The following QNG1 variants were observed in gnomAD, a reference collection of about 807,000 sequenced individuals.
QNG1 encodes queuosine 5'-phosphate N-glycosylase/hydrolase.
At chr9:83,950,642 G>A in the QNG1 span, among the ~76,000 whole-genome samples, 1 of 133,558 alleles carries the variant, frequency 7.5e-6, no homozygotes, top group South Asian at 2.3e-4. Flanking sequence ...TGCCTAGGCT[G>A]TAGCTCAATT....
At chr9:83,953,198 G>A in the QNG1 span, among the ~76,000 whole-genome samples, 2 of 152,142 alleles carry the variant, frequency 1.3e-5, no homozygotes, top group Admixed American at 1.3e-4. Flanking sequence ...AACCCAGGAG[G>A]TGGAGGTTGT....
At chr9:83,954,734 G>A in the QNG1 span, among the ~76,000 whole-genome samples, 2 of 149,080 alleles carry the variant, frequency 1.3e-5, no homozygotes, top group African/African-American at 5.0e-5. Context: ...ACAAAAATTA[G>A]CCTAGCGCAG....
chr9:83,940,217 C>G, the QNG1 span, among the ~76,000 whole-genome samples: 1 of 152,046 alleles, frequency 6.6e-6, no homozygotes. Context: ...CCAGCCTGGG[C>G]AACATGACAA....
chr9:83,956,054 G>T, the QNG1 span: 1 of 1,079,596 alleles, frequency 9.3e-7, no homozygotes, highest in East Asian at 2.4e-5. Flanking sequence ...CTTCAGGTTC[G>T]CTTTCCATTA....
chr9:83,953,616 G>C, the QNG1 span: 1 of 545,818 alleles, frequency 1.8e-6, no homozygotes. Context: ...AAAGTGCTGG[G>C]ATTACAGGTG....
At chr9:83,944,078 T>C in the QNG1 span, among the ~76,000 whole-genome samples, 489 of 152,192 alleles carry the variant, frequency 3.2e-3, 2 homozygotes, top group African/African-American at 0.011. Context: ...TCCCAGCACT[T>C]TGGAAGGCTG....
At chr9:83,956,324 C>A in the QNG1 span, 1 of 1,613,894 alleles carries the variant, frequency 6.2e-7, no homozygotes, top group African/African-American at 1.3e-5. Flanking sequence ...CCTCGTCGGC[C>A]GCCCTGGGGT....
chr9:83,944,988 C>T, the QNG1 span: 2 of 1,595,376 alleles, frequency 1.3e-6, no homozygotes, highest in Non-Finnish European at 1.7e-6. Flanking sequence ...AACTCTTTTC[C>T]CCTGATGAAT....
chr9:83,956,756 C>T, the QNG1 span: 1 of 396,672 alleles, frequency 2.5e-6, no homozygotes. Context: ...AAAGCGGTCC[C>T]GTTCACGCCC....
the QNG1 span, among the ~76,000 whole-genome samples, chr9:83,948,483 G>A: frequency 1.4e-5 from 2 of 143,694 alleles, no homozygotes; most frequent in African/African-American, 5.2e-5. Flanking sequence ...GGTGGGGGGC[G>A]CCTCCGCCCG....
chr9:83,944,948 T>C, the QNG1 span: 1 of 1,612,370 alleles, frequency 6.2e-7, no homozygotes, highest in Non-Finnish European at 8.5e-7. Flanking sequence ...ACGTATCTGC[T>C]ACAAGGATTT....
At chr9:83,955,461 C>T in the QNG1 span, 7 of 1,614,046 alleles carry the variant, frequency 4.3e-6, no homozygotes, top group African/African-American at 9.3e-5. Context: ...TTCTCACTTT[C>T]TCGGACGCAG....
chr9:83,954,377 T>C, the QNG1 span, among the ~76,000 whole-genome samples: 1 of 151,958 alleles, frequency 6.6e-6, no homozygotes. Context: ...GAAATATTGA[T>C]TAGAAAACAT....
At chr9:83,945,624 C>T in the QNG1 span, among the ~76,000 whole-genome samples, 31 of 151,882 alleles carry the variant, frequency 2.0e-4, no homozygotes, top group Admixed American at 1.3e-3. Context: ...TTTTTTGAGA[C>T]GGAGTCTTGC....
the QNG1 span, chr9:83,939,797 C>A: frequency 2.8e-5 from 33 of 1,199,652 alleles, no homozygotes; most frequent in African/African-American, 4.6e-4. Flanking sequence ...ACATAATCTA[C>A]TTGAACTTTC....
the QNG1 span, among the ~76,000 whole-genome samples, chr9:83,948,538 C>T: frequency 1.6e-4 from 25 of 151,914 alleles, no homozygotes; most frequent in Non-Finnish European, 2.4e-4. Context: ...TGCCTGGCCG[C>T]CCCGTCTGGG....
the QNG1 span, among the ~76,000 whole-genome samples, chr9:83,953,361 T>C: frequency 5.3e-5 from 8 of 151,502 alleles, no homozygotes; most frequent in South Asian, 4.2e-4. Flanking sequence ...TTTTTTTTTT[T>C]CTTGAGATAG....
the QNG1 span, among the ~76,000 whole-genome samples, chr9:83,954,036 A>G: frequency 6.6e-6 from 1 of 152,136 alleles, no homozygotes; most frequent in African/African-American, 2.4e-5. Flanking sequence ...CTGGGACTAC[A>G]GGTGCGTGCA....
chr9:83,939,248 T>G, the QNG1 span: 3 of 339,362 alleles, frequency 8.8e-6, no homozygotes, highest in East Asian at 6.5e-5. Flanking sequence ...TAATTTTGTA[T>G]TTTTAGTAGA....
Sources: allele counts gnomAD v4.1 joint callset (sites outside exome capture counted in the v4.1 genomes callset), GRCh38; gene constraint gnomAD v4.1.1; transcripts MANE v1.5; gene names NCBI Gene and HGNC (gene_info 2026-07-23, HGNC 2026-07-21).